The following CARD8 variants were observed in gnomAD, a reference collection of about 807,000 sequenced individuals.
CARD8 encodes the protein caspase recruitment domain-containing protein 8.
CARD8 carries 38 observed loss-of-function variants against 53.2 expected under a neutral mutation model. The observed-to-expected ratio is 0.71, with a 90% confidence interval of 0.55 to 0.94. The LOEUF is 0.94. Ranked by LOEUF, CARD8 falls within the 40% of genes least tolerant of loss-of-function variation. The pLI is 0.00. For missense variants in CARD8, 561 were observed against 655.5 expected (o/e 0.86, Z 1.57); for synonymous variants, 245 against 244.9 (o/e 1.00, Z 0.00).
chr19:48,221,704 C>A, intron 11 of CARD8, 26 bp downstream of exon 11: 1 of 1,492,930 alleles, frequency 6.7e-7, no homozygotes. Flanking sequence ...CTGAAACCTG[C>A]TGAGTTGGGT....
At chr19:48,230,407 C>T in intron 10 of CARD8, 31 bp downstream of exon 10, 1 of 1,563,862 alleles carries the variant, frequency 6.4e-7, no homozygotes, top group Non-Finnish European at 8.7e-7. Context: ...TAATCGTCAT[C>T]TTCTCTGGTC....
At position 48,230,540 on chromosome 19, in the gene CARD8, G is replaced by A. The variant is rs761394425; in HGVS notation, c.933C>T (p.Leu311=). 1.6e-5 allele frequency: 26 copies of A among 1,614,078 alleles called. No individual in the cohort carries two copies. Among genetic ancestry groups the A allele is most frequent in the Non-Finnish European group, 2.1e-5 (25 of 1,180,036 alleles). Residue 311 remains leucine, a synonymous_variant, in exon 10 of 14, where the codon CTC becomes CTT. Coordinates refer to ENST00000651546, the MANE Select transcript of CARD8 (RefSeq NM_001184900.3). ...ILLRIASGTR[L]SIPITSNTLI... ...ATGTGTTGGAAGTGATGGGGATGGA[G>A]AGGCGAGTCCCACTGGCGATCCGCA...
chr19:48,250,345 G>A (rs2046791044), intron 1 of CARD8, among the ~76,000 whole-genome samples: 1 of 152,210 alleles, frequency 6.6e-6, no homozygotes. Flanking sequence ...GGCAGTTGCT[G>A]GGCAGCATTC....
At chr19:48,245,072 G>A (rs2045881154) in intron 3 of CARD8, among the ~76,000 whole-genome samples, 4 of 152,002 alleles carry the variant, frequency 2.6e-5, no homozygotes, top group Admixed American at 2.0e-4. Flanking sequence ...CCAAAATATT[G>A]GACAAATTCC....
chr19:48,231,447 C>T (rs566207568), intron 8 of CARD8, among the ~76,000 whole-genome samples: 124 of 152,134 alleles, frequency 8.2e-4, no homozygotes, highest in African/African-American at 2.6e-3. Flanking sequence ...TGGGACTACA[C>T]GCGGGTGCCA....
At chr19:48,213,374 T>C (rs1035391856) in intron 13 of CARD8, among the ~76,000 whole-genome samples, 16 of 151,972 alleles carry the variant, frequency 1.1e-4, no homozygotes, top group African/African-American at 3.9e-4. Flanking sequence ...ATTTATTTAC[T>C]TATTTATTTA....
In CARD8 at chr19:48,250,927, A is replaced by C. The variant is rs115894379; in HGVS notation, c.-251-1080T>G. 2.6e-3 allele frequency among the ~76,000 whole-genome samples: 393 copies of C among 152,368 alleles called. 4 individuals carry two copies. The highest frequency in any genetic ancestry group is 7.9e-3 in the African/African-American group (328 of 41,588). The stretch of plus-strand genomic sequence containing the variant: ...GTAAGGGGAAATACAAATTAAGAGC[A>C]ATATGAGATTTTCAGTTTGCATATG... On this transcript the variant is annotated intron_variant, in intron 1 of 13. Coordinates refer to ENST00000651546, the MANE Select transcript of CARD8 (RefSeq NM_001184900.3).
chr19:48,205,333 G>A (rs540576548), downstream of CARD8, among the ~76,000 whole-genome samples: 35 of 152,120 alleles, frequency 2.3e-4, no homozygotes, highest in South Asian at 6.4e-3. Flanking sequence ...GGGTTCAAGC[G>A]ATTCTCCTGC....
chr19:48,246,972 T>A lies in CARD8; in HGVS notation c.-44+2551A>T, dbSNP rs568095569. On this transcript the variant is annotated intron_variant, in intron 3 of 13. Transcript: ENST00000651546. ...AGGAATTGATATACTCCTATACAAA[T>A]ATACTTACCTATGTATGAACTCATG... 1.6e-4 allele frequency among the ~76,000 whole-genome samples: 25 copies of A among 152,326 alleles called. No homozygotes were observed. The South Asian group carries it at 1.7e-3, about 10-fold the overall frequency.
At chr19:48,255,753 C>G (rs1967185019) in intron 1 of CARD8, 39 bp downstream of exon 1, 1 of 152,242 alleles carries the variant, frequency 6.6e-6, no homozygotes, top group Non-Finnish European at 1.5e-5. Flanking sequence ...AACAAGCCTC[C>G]GTTTCTCCTT....
In CARD8 at chr19:48,234,578, T is replaced by A. The variant is rs143022247; in HGVS notation, c.210-35A>T. 1.2e-4 allele frequency: 185 copies of A among 1,593,878 alleles called. No homozygotes were observed. In the African/African-American group the frequency reaches 2.0e-3, roughly 17 times the overall value. ...AACAACAGAATTTTTACTATGAATATAAGGTAGGTGCCTGATGATAGCATA... is the reference window on the plus strand; with the variant it reads ...AACAACAGAATTTTTACTATGAATAAAAGGTAGGTGCCTGATGATAGCATA... On this transcript the variant is annotated intron_variant, in intron 5 of 13. Transcript: ENST00000651546.
intron 4 of CARD8, among the ~76,000 whole-genome samples, chr19:48,239,586 G>A (rs906469909): frequency 3.3e-5 from 5 of 149,622 alleles, no homozygotes; most frequent in African/African-American, 7.4e-5. Flanking sequence ...AGCGATTCTC[G>A]TGCCTCAGCC....
chr19:48,235,640 T>A (rs979930812), intron 5 of CARD8, among the ~76,000 whole-genome samples: 1 of 152,152 alleles, frequency 6.6e-6, no homozygotes, highest in Non-Finnish European at 1.5e-5. Flanking sequence ...CACCTTGGCA[T>A]CCCAAAGCAC....
intron 1 of CARD8, among the ~76,000 whole-genome samples, chr19:48,250,596 T>G (rs1207086802): frequency 6.6e-6 from 1 of 152,216 alleles, no homozygotes; most frequent in Admixed American, 6.5e-5. Flanking sequence ...ATTCTGTAAT[T>G]AAGATTTGAT....
rs140547307 is a variant in CARD8 at position 48,246,522 on chromosome 19, G to A, written c.-44+3001C>T. On this transcript the variant is annotated intron_variant, in intron 3 of 13. Coordinates refer to ENST00000651546, the MANE Select transcript of CARD8 (RefSeq NM_001184900.3). ...TGTATACCGAACTGTGCCTACACAT[G>A]CCTGTATTTACTTCTCGATAGATAG... Among the ~76,000 whole-genome samples, 846 of 152,144 alleles carry A rather than the reference G, an allele frequency of 5.6e-3. 1 individual carries two copies. Among genetic ancestry groups the A allele is most frequent in the African/African-American group, 0.014 (568 of 41,494 alleles).
At chr19:48,214,016 TAACTTA>T (rs1287212519) in intron 13 of CARD8, among the ~76,000 whole-genome samples, 1 of 152,244 alleles carries the variant, frequency 6.6e-6, no homozygotes, top group Admixed American at 6.5e-5. Context: ...CAAACTACTT[TAACTTA>T]GAGTTCCCCA....
chr19:48,233,624 G>A, intron 6 of CARD8: 1 of 313,484 alleles, frequency 3.2e-6, no homozygotes, highest in South Asian at 2.6e-5. Flanking sequence ...GCTGGAGTCT[G>A]CCTGCTGAGG....
chr19:48,214,178 T>G (rs2038675193), intron 13 of CARD8, among the ~76,000 whole-genome samples: 1 of 152,196 alleles, frequency 6.6e-6, no homozygotes, highest in Admixed American at 6.5e-5. Flanking sequence ...ATGACAAGGA[T>G]GGAAGGAATG....
chr19:48,228,497 C>T (rs533636152), intron 10 of CARD8, among the ~76,000 whole-genome samples: 4 of 152,138 alleles, frequency 2.6e-5, no homozygotes, highest in Admixed American at 6.5e-5. Flanking sequence ...GACTGGGTGA[C>T]GCTAAACAGA....
Sources: gnomAD v4.1 joint callset for allele counts (sites outside exome capture counted in the v4.1 genomes callset) on GRCh38, gnomAD v4.1.1 for gene constraint, MANE v1.5 for transcripts, NCBI Gene and HGNC (gene_info 2026-07-23, HGNC 2026-07-21) for gene names.